THSD4: variants seen among roughly 807,000 people sequenced by gnomAD.
The protein encoded by THSD4 is thrombospondin type-1 domain-containing protein 4.
In THSD4, 69 loss-of-function variants were observed where a neutral mutation model predicts 119.0. That is an observed-to-expected ratio of 0.58 (90% CI 0.48 to 0.71). The LOEUF (loss-of-function observed/expected upper bound fraction) is 0.71, where lower values mean the gene tolerates loss of function less well. THSD4 is among the 30% of genes least tolerant of loss of function. THSD4 has a pLI of 0.00. For synonymous variants in THSD4, 524 were observed against 540.4 expected, an observed-to-expected ratio of 0.97 and a Z score of 0.42; for missense variants, 1,393 against 1,391.1, an observed-to-expected ratio of 1.00 and a Z score of -0.02.
chr15:71,608,249 T>TATATACACACAC (rs772729777), intron 7 of THSD4, among the ~76,000 whole-genome samples: 18 of 106,232 alleles, frequency 1.7e-4, no homozygotes, highest in South Asian at 3.7e-4. Flanking sequence ...TATATATATA[T>TATATACACACAC]ACACACACAC....
intron 8 of THSD4, among the ~76,000 whole-genome samples, chr15:71,708,166 G>A (rs1320549157): frequency 2.0e-5 from 3 of 152,320 alleles, no homozygotes; most frequent in African/African-American, 7.2e-5. Flanking sequence ...TTAGCAGATT[G>A]GGACTGCAGT....
At chr15:71,100,847 G>T (rs2040251149) in intron 1 of THSD4, among the ~76,000 whole-genome samples, 1 of 152,010 alleles carries the variant, frequency 6.6e-6, no homozygotes, top group Admixed American at 6.6e-5. Flanking sequence ...AGGCATGGTG[G>T]CCTGCACACC....
intron 6 of THSD4, among the ~76,000 whole-genome samples, chr15:71,268,212 A>C (rs2044485412): frequency 1.3e-5 from 2 of 152,192 alleles, no homozygotes; most frequent in Admixed American, 1.3e-4. Context: ...AATTGGAAGT[A>C]AGGCACTCCT....
At chr15:71,372,012 G>A (rs1472786516) in intron 6 of THSD4, among the ~76,000 whole-genome samples, 4 of 151,834 alleles carry the variant, frequency 2.6e-5, no homozygotes, top group South Asian at 2.1e-4. Context: ...TTCTCTTCTC[G>A]CTTCATTTCA....
chr15:71,487,254 CTGTT>C lies in THSD4; in HGVS notation c.1152+75434_1152+75437del, dbSNP rs140073986. Among the ~76,000 whole-genome samples the C allele has an allele frequency of 3.2e-3, 493 of 152,318 alleles. 1 individual carries two copies. Among genetic ancestry groups the C allele is most frequent in the African/African-American group, 0.011 (473 of 41,564 alleles). ...TGTGTATTCTATCCAACTTATCTCT[CTGTT>C]TGGAGATGGAAGGTGGGATTTTTGC... On this transcript the variant is annotated intron_variant, in intron 7 of 17. Transcript: ENST00000261862.
intron 6 of THSD4, among the ~76,000 whole-genome samples, chr15:71,261,459 C>T (rs73433473): frequency 1.3e-3 from 197 of 152,264 alleles, no homozygotes; most frequent in African/African-American, 4.5e-3. Flanking sequence ...TTCAACAGGA[C>T]GCCAACCAGT....
chr15:71,698,424 G>T (rs1053817102), intron 8 of THSD4, among the ~76,000 whole-genome samples: 1 of 151,828 alleles, frequency 6.6e-6, no homozygotes, highest in Non-Finnish European at 1.5e-5. Flanking sequence ...CAGTATGGAG[G>T]TTCCTCAAAG....
chr15:71,227,955 G>T (rs1265329264), intron 4 of THSD4, among the ~76,000 whole-genome samples: 1 of 152,114 alleles, frequency 6.6e-6, no homozygotes, highest in African/African-American at 2.4e-5. Context: ...TCTATTAATA[G>T]TAACAAGAGC....
intron 4 of THSD4, among the ~76,000 whole-genome samples, chr15:71,235,833 C>T (rs920042489): frequency 6.6e-6 from 1 of 152,192 alleles, no homozygotes; most frequent in Non-Finnish European, 1.5e-5. Context: ...TTAAGTGATT[C>T]TCCCACCTCA....
chr15:71,299,969 AAAAAAAAAT>A lies in THSD4; in HGVS notation c.1015+43256_1015+43264del, dbSNP rs1347784798. On this transcript the variant is annotated intron_variant, in intron 6 of 17. Coordinates refer to ENST00000261862, the MANE Select transcript of THSD4 (RefSeq NM_024817.3). ...GAGACCCTGTCTCTACCAAAAAAAA[AAAAAAAAAT>A]ATATATATATATATATATATATATT... 9.8e-3 allele frequency among the ~76,000 whole-genome samples: 714 copies of A among 72,552 alleles called. 6 individuals are homozygous for A. Among genetic ancestry groups the A allele is most frequent in the African/African-American group, 0.016 (331 of 20,942 alleles). 47.6% of individuals were successfully genotyped at this position (72,552 alleles called of 152,430 possible). A position where few individuals can be genotyped will look rare whatever the true frequency, so the allele number is the denominator to read the frequency against.
chr15:71,109,683 A>G (rs1445002909), intron 1 of THSD4, among the ~76,000 whole-genome samples: 1 of 152,042 alleles, frequency 6.6e-6, no homozygotes, highest in Admixed American at 6.6e-5. Context: ...CTCATAAGCA[A>G]AAGTGTCCAC....
intron 8 of THSD4, among the ~76,000 whole-genome samples, chr15:71,704,945 T>TA (rs1382405031): frequency 2.6e-5 from 4 of 152,110 alleles, no homozygotes; most frequent in Admixed American, 6.5e-5. Context: ...AGGGAAGGAA[T>TA]AAAAAGTCCA....
At chr15:71,213,528 G>A (rs2043904681) in intron 3 of THSD4, among the ~76,000 whole-genome samples, 1 of 152,286 alleles carries the variant, frequency 6.6e-6, no homozygotes, top group Admixed American at 6.5e-5. Flanking sequence ...CTCATCTGCT[G>A]CTGGGTCTAA....
chr15:71,533,182 A>G (rs2048641601), intron 7 of THSD4, among the ~76,000 whole-genome samples: 1 of 152,258 alleles, frequency 6.6e-6, no homozygotes, highest in Admixed American at 6.5e-5. Flanking sequence ...GAGCAGGATC[A>G]AAATAAACTT....
At chr15:71,354,548 A>G (rs796876655) in intron 6 of THSD4, among the ~76,000 whole-genome samples, 5 of 152,334 alleles carry the variant, frequency 3.3e-5, no homozygotes, top group African/African-American at 9.6e-5. Flanking sequence ...TTAATTTAAC[A>G]TAAATTTGTT....
intron 6 of THSD4, chr15:71,341,111 T>G (rs2045562472): frequency 6.2e-6 from 8 of 1,280,370 alleles, no homozygotes; most frequent in African/African-American, 2.9e-5. Context: ...CTTCCCTCTC[T>G]CTCCCTTTTT....
At chr15:71,640,980 GACACACACACACAC>G (rs10551548) in intron 7 of THSD4, among the ~76,000 whole-genome samples, 3 of 146,724 alleles carry the variant, frequency 2.0e-5, no homozygotes, top group African/African-American at 5.0e-5. Flanking sequence ...CCCACCTACA[GACACACACACACAC>G]ACACACACAC....
chr15:71,429,339 A>C (rs1456543230), intron 7 of THSD4, among the ~76,000 whole-genome samples: 1 of 152,216 alleles, frequency 6.6e-6, no homozygotes, highest in Non-Finnish European at 1.5e-5. Context: ...CCTGGGACAA[A>C]GTCTGTTGGG....
intron 3 of THSD4, among the ~76,000 whole-genome samples, chr15:71,199,893 ATGTGTGTGTGGTGCATGTGTGGGGTGTG>A: frequency 3.4e-5 from 1 of 29,822 alleles, no homozygotes; most frequent in South Asian, 8.5e-4. Context: ...CATGTGTGGT[ATGTGTGTGTGGTGCATGTGTGGGGTGTG>A]TGTGTGTGTG....
Sources: gnomAD v4.1 joint callset for allele counts (sites outside exome capture counted in the v4.1 genomes callset) on GRCh38, gnomAD v4.1.1 for gene constraint, MANE v1.5 for transcripts, NCBI Gene and HGNC (gene_info 2026-07-23, HGNC 2026-07-21) for gene names.